Variants in ST3GAL2 observed in about 807,000 individuals in gnomAD.
The protein encoded by ST3GAL2 is CMP-N-acetylneuraminate-beta-galactosamide-alpha-2,3-sialyltransferase 2.
ST3GAL2 carries 16 observed loss-of-function variants against 37.5 expected under a neutral mutation model. The observed-to-expected ratio is 0.43, with a 90% confidence interval of 0.29 to 0.65. The LOEUF is 0.65. Among genes scored for constraint, ST3GAL2 ranks in the 30% least tolerant of loss-of-function variants. The pLI is 0.17. For synonymous variants in ST3GAL2, 238 were observed against 202.9 expected (o/e 1.17, Z -1.47); for missense variants, 383 against 487.8 (o/e 0.79, Z 2.02).
intron 1 of ST3GAL2, among the ~76,000 whole-genome samples, chr16:70,413,334 T>C (rs2047652262): frequency 6.6e-6 from 1 of 151,898 alleles, no homozygotes; most frequent in Admixed American, 6.6e-5. Context: ...CAGGATCATT[T>C]GAACCAGGGA....
At chr16:70,426,864 T>C (rs190868077) in intron 1 of ST3GAL2, among the ~76,000 whole-genome samples, 4 of 152,246 alleles carry the variant, frequency 2.6e-5, no homozygotes, top group Admixed American at 2.6e-4. Context: ...TCTTTCTTTT[T>C]TGACAAAGGG....
intron 2 of ST3GAL2, 44 bp from the exon 3 acceptor site, chr16:70,395,219 T>G (rs1597560392): frequency 6.4e-7 from 1 of 1,557,088 alleles, no homozygotes; most frequent in African/African-American, 1.4e-5. Flanking sequence ...AGGGGAGAGG[T>G]GTGTGAAGAA....
chr16:70,422,198 T>G (rs1432092996), intron 1 of ST3GAL2, among the ~76,000 whole-genome samples: 1 of 152,196 alleles, frequency 6.6e-6, no homozygotes, highest in Non-Finnish European at 1.5e-5. Flanking sequence ...GTCCTCCATT[T>G]GTAAAATGAG....
rs968269560 is a variant in ST3GAL2, at chr16:70,379,223, AGGAGCT to A, written c.*2460_*2465del. 6.6e-5 allele frequency: 10 copies of A among 152,184 alleles called. No individual in the cohort carries two copies. Among genetic ancestry groups the A allele is most frequent in the Non-Finnish European group, 8.8e-5 (6 of 68,050 alleles). 9.4% of individuals were successfully genotyped at this position (152,184 alleles called of 1,614,324 possible). On this transcript the variant is annotated 3_prime_UTR_variant, in exon 7 of 7. Coordinates refer to ENST00000342907, the MANE Select transcript of ST3GAL2 (RefSeq NM_006927.4). Reference sequence around the variant, plus strand: ...AAGTGGTTACAGGACAGCCACTGCGAGGAGCTGCTACCAGGAATCCTCTCCAATGAA... The same window carrying A: ...AAGTGGTTACAGGACAGCCACTGCGAGCTACCAGGAATCCTCTCCAATGAA...
At chr16:70,403,321 A>G (rs1567670892) in intron 1 of ST3GAL2, among the ~76,000 whole-genome samples, 1 of 152,230 alleles carries the variant, frequency 6.6e-6, no homozygotes, top group East Asian at 1.9e-4. Context: ...GCTGTCATTC[A>G]CTATACAGAA....
intron 4 of ST3GAL2, among the ~76,000 whole-genome samples, chr16:70,387,801 C>T (rs183495194): frequency 8.0e-4 from 122 of 152,190 alleles, no homozygotes; most frequent in African/African-American, 2.9e-3. Flanking sequence ...CAGGAGCCAT[C>T]ACCCAGAAAG....
chr16:70,404,246 G>C (rs1230919678), intron 1 of ST3GAL2, among the ~76,000 whole-genome samples: 1 of 152,142 alleles, frequency 6.6e-6, no homozygotes, highest in Non-Finnish European at 1.5e-5. Flanking sequence ...GAAAGAAACA[G>C]CCAATGAGGC....
chr16:70,422,274 G>A (rs1490860473), intron 1 of ST3GAL2, among the ~76,000 whole-genome samples: 1 of 152,192 alleles, frequency 6.6e-6, no homozygotes, highest in African/African-American at 2.4e-5. Flanking sequence ...ATGACTGTAG[G>A]CTGTGGAGTG....
rs981667419 is a variant in ST3GAL2, at chr16:70,399,039, G to T, written c.-509C>A. ...AACAGAGAGCACAGGGGCTTCAGGG[G>T]ACTTGGGTTCCATGCAAGTGTTGTC... is the stretch of plus-strand genomic sequence containing the variant. On this transcript the variant is annotated 5_prime_UTR_variant, in exon 2 of 7. Transcript: ENST00000342907. 63 of 403,096 alleles carry T rather than the reference G, an allele frequency of 1.6e-4. No individual in the cohort carries two copies. Among genetic ancestry groups the T allele is most frequent in the Non-Finnish European group, 2.5e-4 (57 of 228,736 alleles). The allele number at this position is 403,096 out of a possible 1,614,324, so 25.0% of individuals were successfully genotyped here.
chr16:70,381,986 C>A, intron 6 of ST3GAL2, 124 bp from the exon 7 acceptor site: 1 of 1,289,246 alleles, frequency 7.8e-7, no homozygotes, highest in Non-Finnish European at 1.1e-6. Context: ...GCCCCCAGGC[C>A]TGGCCTAAGG....
At chr16:70,420,540 G>A (rs1205925549) in intron 1 of ST3GAL2, among the ~76,000 whole-genome samples, 7 of 152,168 alleles carry the variant, frequency 4.6e-5, no homozygotes, top group Admixed American at 2.6e-4. Context: ...GCCAGCACTA[G>A]GAGGCCAGAG....
intron 1 of ST3GAL2, among the ~76,000 whole-genome samples, chr16:70,415,750 G>C (rs2047672444): frequency 6.9e-6 from 1 of 145,286 alleles, no homozygotes; most frequent in African/African-American, 2.6e-5. Context: ...ACCGTGCCCA[G>C]CTTCCAAGAT....
chr16:70,435,467 G>A lies in ST3GAL2; in HGVS notation c.-1004+3482C>T, dbSNP rs529527005. 1.8e-3 allele frequency among the ~76,000 whole-genome samples: 275 copies of A among 152,110 alleles called. 1 individual carries two copies. Among genetic ancestry groups the A allele is most frequent in the African/African-American group, 5.6e-3 (232 of 41,486 alleles). ...AAAAAAATTAGATGGGCGTGGTGGC[G>A]CATGCCTGTAATCCCAGCTACTTGG... On this transcript the variant is annotated intron_variant, in intron 1 of 6. Transcript: ENST00000342907.
chr16:70,403,873 C>T (rs769972497), intron 1 of ST3GAL2, among the ~76,000 whole-genome samples: 1 of 151,980 alleles, frequency 6.6e-6, no homozygotes, highest in Admixed American at 6.6e-5. Context: ...TGCCTGTAGT[C>T]AGTCCTACCT....
chr16:70,414,322 G>A (rs144091274), intron 1 of ST3GAL2, among the ~76,000 whole-genome samples: 273 of 152,316 alleles, frequency 1.8e-3, no homozygotes, highest in Non-Finnish European at 3.0e-3. Context: ...CATTCCCACT[G>A]CCACCTTCAT....
chr16:70,414,296 A>G lies in ST3GAL2; in HGVS notation c.-1003-14763T>C, dbSNP rs374671708. On this transcript the variant is annotated intron_variant, in intron 1 of 6. Transcript: ENST00000342907. ...CTGGGGTCAACTGAAGAAAGGCCCA[A>G]TTGAAACTGCTCTCCCATTCCCACT... Among the ~76,000 whole-genome samples, 21 of 152,336 alleles carry G rather than the reference A, an allele frequency of 1.4e-4. No individual in the cohort carries two copies. In the East Asian group the frequency reaches 2.1e-3, roughly 15 times the overall value.
At chr16:70,410,263 TTTTTTG>T (rs2047628204) in intron 1 of ST3GAL2, among the ~76,000 whole-genome samples, 1 of 120,396 alleles carries the variant, frequency 8.3e-6, no homozygotes, top group Non-Finnish European at 1.7e-5. Context: ...TTTTTTTTTT[TTTTTTG>T]AGACGGAGTC....
At chr16:70,416,955 G>T (rs1031232086) in intron 1 of ST3GAL2, among the ~76,000 whole-genome samples, 1 of 152,176 alleles carries the variant, frequency 6.6e-6, no homozygotes, top group African/African-American at 2.4e-5. Flanking sequence ...AGTCCTCCCA[G>T]CTGGGGCTTT....
At position 70,376,084 on chromosome 16, in the gene ST3GAL2, G is replaced by T. The variant is rs2047343601; in HGVS notation, c.*5605C>A. On this transcript the variant is annotated 3_prime_UTR_variant, in exon 7 of 7. Coordinates refer to ENST00000342907, the MANE Select transcript of ST3GAL2 (RefSeq NM_006927.4). The stretch of plus-strand genomic sequence containing the variant: ...TGCCCGTGGTAACAGCGTTTCACAG[G>T]AAGCACCGTGGAGACGCAGCCCAGG... 6.6e-6 allele frequency: 1 copy of T among 152,226 alleles called. No individual in the cohort carries two copies. The highest frequency in any genetic ancestry group is 1.5e-5 in the Non-Finnish European group (1 of 68,066). The allele number at this position is 152,226 out of a possible 1,614,324, so 9.4% of individuals were successfully genotyped here. A position where few individuals can be genotyped will look rare whatever the true frequency, so the allele number is the denominator to read the frequency against.
Sources: gnomAD v4.1 joint callset for allele counts (sites outside exome capture counted in the v4.1 genomes callset) on GRCh38, gnomAD v4.1.1 for gene constraint, MANE v1.5 for transcripts, NCBI Gene and HGNC (gene_info 2026-07-23, HGNC 2026-07-21) for gene names.